VPS13B: variants seen among roughly 807,000 people sequenced by gnomAD.
The protein encoded by VPS13B is vacuolar protein sorting 13 homolog B.
VPS13B carries 285 observed loss-of-function variants against 426.4 expected under a neutral mutation model. The ratio of observed to expected loss-of-function variants is 0.67; its 90% CI spans 0.61 to 0.74. The LOEUF is 0.74. Ranked by LOEUF, VPS13B falls within the 30% of genes least tolerant of loss-of-function variation. VPS13B has a pLI of 0.00. For missense variants in VPS13B, 4,537 were observed against 4,782.6 expected (o/e 0.95, Z 1.51); for synonymous variants, 1,676 against 1,676.4 (o/e 1.00, Z 0.01).
chr8:99,497,071 A>G (rs906611507), intron 25 of VPS13B, among the ~76,000 whole-genome samples: 39 of 145,456 alleles, frequency 2.7e-4, no homozygotes, highest in Non-Finnish European at 1.7e-4. Context: ...CAAATAATTT[A>G]TTTGTAATAT....
At position 99,303,636 on chromosome 8, in the gene VPS13B, G is replaced by A. The variant is rs191718967; in HGVS notation, c.2824+28382G>A. ...CTCAGCTACTCCAGAGGCTAAGACAGGAGAATTGCTTGAACCTGGGAGGTG... is the reference window on the plus strand; with the variant it reads ...CTCAGCTACTCCAGAGGCTAAGACAAGAGAATTGCTTGAACCTGGGAGGTG... On this transcript the variant is annotated intron_variant, in intron 19 of 61. Coordinates refer to ENST00000357162, the MANE Select transcript of VPS13B (RefSeq NM_152564.5). 1.4e-3 allele frequency among the ~76,000 whole-genome samples: 206 copies of A among 147,472 alleles called. 1 individual carries two copies. Among genetic ancestry groups the A allele is most frequent in the African/African-American group, 5.1e-3 (202 of 39,494 alleles).
At chr8:99,345,458 A>C (rs542619656) in intron 19 of VPS13B, among the ~76,000 whole-genome samples, 41 of 152,320 alleles carry the variant, frequency 2.7e-4, no homozygotes, top group African/African-American at 9.6e-4. Context: ...GGCTATATAA[A>C]GGAATGAGTT....
At chr8:99,222,907 G>A (rs1372738017) in intron 17 of VPS13B, among the ~76,000 whole-genome samples, 2 of 152,146 alleles carry the variant, frequency 1.3e-5, no homozygotes, top group Non-Finnish European at 2.9e-5. Context: ...CATGATCTCG[G>A]CTTACAGCAA....
At chr8:99,470,609 GA>G (rs1256274814) in intron 24 of VPS13B, among the ~76,000 whole-genome samples, 1 of 151,256 alleles carries the variant, frequency 6.6e-6, no homozygotes, top group Non-Finnish European at 1.5e-5. Flanking sequence ...AAAAAGAAAG[GA>G]AAAAAGTTTT....
chr8:99,784,278 C>A, intron 42 of VPS13B, 37 bp from the exon 43 acceptor site: 1 of 1,613,268 alleles, frequency 6.2e-7, no homozygotes, highest in South Asian at 1.1e-5. Flanking sequence ...TACAATTAAT[C>A]CGATCCATGT....
chr8:99,225,924 A>C (rs1284292608), intron 17 of VPS13B, among the ~76,000 whole-genome samples: 1 of 152,028 alleles, frequency 6.6e-6, no homozygotes, highest in Non-Finnish European at 1.5e-5. Flanking sequence ...ATCATGGGAA[A>C]CTTTCTTCTT....
chr8:99,057,419 G>C (rs1843939561), intron 3 of VPS13B, among the ~76,000 whole-genome samples: 1 of 151,506 alleles, frequency 6.6e-6, no homozygotes, highest in African/African-American at 2.4e-5. Context: ...CACTTTCTTG[G>C]CTCCTCTGAT....
intron 17 of VPS13B, among the ~76,000 whole-genome samples, chr8:99,259,445 G>T (rs924358316): frequency 3.9e-5 from 6 of 152,010 alleles, no homozygotes; most frequent in African/African-American, 4.8e-5. Context: ...CAGTGGATTT[G>T]GATTTTGATT....
At chr8:99,130,679 C>T (rs1243824825) in intron 8 of VPS13B, among the ~76,000 whole-genome samples, 1 of 151,998 alleles carries the variant, frequency 6.6e-6, no homozygotes, top group Admixed American at 6.6e-5. Flanking sequence ...CGTGAGCCAC[C>T]GCATGAGTCC....
At chr8:99,343,172 C>T (rs1350322262) in intron 19 of VPS13B, among the ~76,000 whole-genome samples, 1 of 151,770 alleles carries the variant, frequency 6.6e-6, no homozygotes, top group Non-Finnish European at 1.5e-5. Flanking sequence ...CGGCTCACTG[C>T]AACCTCCGCC....
At chr8:99,576,269 C>A (rs546854977) in intron 32 of VPS13B, among the ~76,000 whole-genome samples, 5 of 152,222 alleles carry the variant, frequency 3.3e-5, no homozygotes, top group Admixed American at 6.5e-5. Flanking sequence ...ATTTAACCTA[C>A]TAGTATAAGA....
At chr8:99,371,417 A>T (rs951004105) in intron 19 of VPS13B, among the ~76,000 whole-genome samples, 4 of 152,158 alleles carry the variant, frequency 2.6e-5, no homozygotes, top group African/African-American at 9.7e-5. Flanking sequence ...GCTATATCTG[A>T]GGCCTCTGTT....
intron 3 of VPS13B, among the ~76,000 whole-genome samples, chr8:99,060,509 T>C (rs1844122537): frequency 6.6e-6 from 1 of 151,756 alleles, no homozygotes; most frequent in South Asian, 2.1e-4. Flanking sequence ...CTCAGGAGGC[T>C]GAGGTGGGGG....
At position 99,699,579 on chromosome 8, in the gene VPS13B, A is replaced by C. The variant is rs748456822; in HGVS notation, c.6101A>C (p.Lys2034Thr). Residue 2034 changes from lysine (K) to threonine (T), a missense_variant, in exon 36 of 62, where the codon AAA becomes ACA. Transcript: ENST00000357162. ...KPLKANLSFT[K>T]LDQINLFLKK... is the part of the protein sequence containing the mutation. ...TTGAAAGCAAACCTGAGTTTCACCAAACTGGATCAGATAAACCTTTTTTTA... is the reference window on the plus strand; with the variant it reads ...TTGAAAGCAAACCTGAGTTTCACCACACTGGATCAGATAAACCTTTTTTTA... 1.2e-6 allele frequency: 2 copies of C among 1,614,102 alleles called. No individual in the cohort carries two copies. Among genetic ancestry groups the C allele is most frequent in the Non-Finnish European group, 1.7e-6 (2 of 1,180,010 alleles).
intron 30 of VPS13B, among the ~76,000 whole-genome samples, chr8:99,539,833 G>A (rs1823462223): frequency 6.6e-6 from 1 of 150,518 alleles, no homozygotes; most frequent in Non-Finnish European, 1.5e-5. Context: ...CTTATTGGAA[G>A]TATATTCTGT....
chr8:99,721,226 G>T (rs904643573), intron 39 of VPS13B, among the ~76,000 whole-genome samples, 179 bp downstream of exon 39: 3 of 152,102 alleles, frequency 2.0e-5, no homozygotes, highest in Non-Finnish European at 4.4e-5. Flanking sequence ...TAAAAAATAA[G>T]GTAATAATGT....
chr8:99,369,988 A>T (rs1268123279), intron 19 of VPS13B, among the ~76,000 whole-genome samples: 2 of 152,194 alleles, frequency 1.3e-5, no homozygotes, highest in Non-Finnish European at 2.9e-5. Flanking sequence ...TTTATTGAGT[A>T]CTATTTGGAG....
chr8:99,153,482 G>A (rs1415981118), intron 14 of VPS13B, among the ~76,000 whole-genome samples: 1 of 151,048 alleles, frequency 6.6e-6, no homozygotes, highest in Non-Finnish European at 1.5e-5. Flanking sequence ...CTTCTTTTTA[G>A]TGTTTGTCCT....
intron 17 of VPS13B, among the ~76,000 whole-genome samples, chr8:99,198,081 AC>A (rs1418783721): frequency 6.6e-6 from 1 of 152,128 alleles, no homozygotes; most frequent in Non-Finnish European, 1.5e-5. Context: ...TCTTCAAAAA[AC>A]GTTTTAATTT....
Sources: gnomAD v4.1 joint callset for allele counts (sites outside exome capture counted in the v4.1 genomes callset) on GRCh38, gnomAD v4.1.1 for gene constraint, MANE v1.5 for transcripts, NCBI Gene and HGNC (gene_info 2026-07-23, HGNC 2026-07-21) for gene names.